Variants in AGBL4 observed in about 807,000 individuals in gnomAD.
AGBL4 encodes AGBL carboxypeptidase 4.
AGBL4 carries 58 observed loss-of-function variants against 66.4 expected under a neutral mutation model. The ratio of observed to expected loss-of-function variants is 0.87; its 90% CI spans 0.71 to 1.09. AGBL4 has a LOEUF of 1.09. Ranked by LOEUF, AGBL4 falls within the 50% of genes least tolerant of loss-of-function variation. AGBL4 has a pLI of 0.00. For synonymous variants in AGBL4, 234 were observed against 222.9 expected (o/e 1.05, Z -0.44); for missense variants, 579 against 631.0 (o/e 0.92, Z 0.88).
chr1:48,925,139 T>C (rs957213360), intron 5 of AGBL4, among the ~76,000 whole-genome samples: 5 of 139,350 alleles, frequency 3.6e-5, no homozygotes, highest in Non-Finnish European at 6.5e-5. Context: ...TCTGTATATA[T>C]ATATATACAT....
intron 6 of AGBL4, among the ~76,000 whole-genome samples, chr1:48,680,690 G>A (rs971581914): frequency 3.3e-5 from 5 of 152,216 alleles, no homozygotes; most frequent in African/African-American, 4.8e-5. Flanking sequence ...TTGGCAAGGC[G>A]GCTCTGGGGA....
intron 8 of AGBL4, among the ~76,000 whole-genome samples, chr1:48,637,928 C>A (rs894131327): frequency 6.6e-6 from 1 of 152,170 alleles, no homozygotes; most frequent in Admixed American, 6.5e-5. Context: ...GCTGTGCTCA[C>A]AAAGCTTTTC....
intron 9 of AGBL4, 121 bp downstream of exon 9, chr1:48,634,372 C>A: frequency 1.4e-6 from 1 of 735,934 alleles, no homozygotes; most frequent in East Asian, 2.9e-5. Context: ...GGCCTAGTGC[C>A]TCCCTGGTTT....
At chr1:48,636,086 A>G (rs572186035) in intron 8 of AGBL4, among the ~76,000 whole-genome samples, 1 of 152,346 alleles carries the variant, frequency 6.6e-6, no homozygotes, top group South Asian at 2.1e-4. Flanking sequence ...ACTGATGAAT[A>G]CTATAATCCC....
intron 3 of AGBL4, among the ~76,000 whole-genome samples, chr1:49,444,527 AC>A (rs370930061): frequency 2.0e-5 from 3 of 151,770 alleles, no homozygotes; most frequent in Non-Finnish European, 4.4e-5. Context: ...TTATGTAATA[AC>A]CTTTTTTTTC....
intron 1 of AGBL4, among the ~76,000 whole-genome samples, chr1:49,890,902 T>C (rs1648578712): frequency 6.6e-6 from 1 of 152,262 alleles, no homozygotes; most frequent in South Asian, 2.1e-4. Context: ...TCAATTAAAT[T>C]TGGGGTTCAT....
At chr1:49,693,336 A>G (rs1280819159) in intron 3 of AGBL4, among the ~76,000 whole-genome samples, 1 of 152,178 alleles carries the variant, frequency 6.6e-6, no homozygotes, top group Non-Finnish European at 1.5e-5. Context: ...GATGTTCACT[A>G]CATTGTTACT....
chr1:48,907,028 G>T (rs1479381641), intron 5 of AGBL4, among the ~76,000 whole-genome samples: 3 of 152,182 alleles, frequency 2.0e-5, no homozygotes, highest in African/African-American at 7.2e-5. Context: ...CATCTGGGAT[G>T]CCACTTAAAC....
At position 48,837,711 on chromosome 1, in the gene AGBL4, C is replaced by CTATATATAAATATATA. The variant is rs1646714806; in HGVS notation, c.634+29479_634+29480insTATATATTTATATATA. 4.5e-4 allele frequency among the ~76,000 whole-genome samples: 37 copies of CTATATATAAATATATA among 82,310 alleles called. 1 individual carries two copies. The South Asian group carries it at 0.022, about 49-fold the overall frequency. The allele number at this position is 82,310 out of a possible 152,430, so 54.0% of individuals were successfully genotyped here. A position where few individuals can be genotyped will look rare whatever the true frequency, so the allele number is the denominator to read the frequency against. ...ACGCACACACACGCACACACACACA[C>CTATATATAAATATATA]TATATATATATATATATATATATAT... On this transcript the variant is annotated intron_variant, in intron 6 of 13. Transcript: ENST00000371839.
intron 6 of AGBL4, among the ~76,000 whole-genome samples, chr1:48,795,780 G>A (rs1373283802): frequency 1.3e-5 from 2 of 152,150 alleles, no homozygotes. Context: ...AGCCTCCCAA[G>A]TAGCTGGGAT....
intron 6 of AGBL4, among the ~76,000 whole-genome samples, chr1:48,663,454 A>G (rs1175972618): frequency 6.6e-6 from 1 of 152,188 alleles, no homozygotes; most frequent in East Asian, 1.9e-4. Flanking sequence ...TGTTGGTACA[A>G]CTGATCATAT....
At chr1:48,757,662 G>A (rs1404022121) in intron 6 of AGBL4, among the ~76,000 whole-genome samples, 24 of 152,166 alleles carry the variant, frequency 1.6e-4, no homozygotes, top group Admixed American at 1.6e-3. Flanking sequence ...CCACTACCTT[G>A]GGGATATACT....
intron 7 of AGBL4, among the ~76,000 whole-genome samples, chr1:48,662,402 A>T (rs776301167): frequency 1.3e-5 from 2 of 152,170 alleles, no homozygotes. Flanking sequence ...AGAGGCTTCC[A>T]CTGCAGTGTG....
At chr1:48,624,085 G>A (rs894595508) in intron 9 of AGBL4, among the ~76,000 whole-genome samples, 1 of 152,186 alleles carries the variant, frequency 6.6e-6, no homozygotes, top group African/African-American at 2.4e-5. Flanking sequence ...GAAAACTTTA[G>A]AATCTGTGGG....
At chr1:49,313,786 G>T (rs1644985688) in intron 3 of AGBL4, among the ~76,000 whole-genome samples, 1 of 152,106 alleles carries the variant, frequency 6.6e-6, no homozygotes, top group South Asian at 2.1e-4. Flanking sequence ...CAGATGGATA[G>T]ATTGCAAAAA....
At chr1:49,459,985 T>C (rs923540228) in intron 3 of AGBL4, among the ~76,000 whole-genome samples, 2 of 151,646 alleles carry the variant, frequency 1.3e-5, no homozygotes, top group Non-Finnish European at 3.0e-5. Context: ...GAGTACTTGA[T>C]ACAATTTTGA....
chr1:49,489,895 G>C (rs1647152413), intron 3 of AGBL4, among the ~76,000 whole-genome samples: 2 of 151,590 alleles, frequency 1.3e-5, no homozygotes, highest in African/African-American at 4.8e-5. Flanking sequence ...CTATTTTTAT[G>C]CCAGTAGCAT....
At chr1:48,576,075 T>C (rs1397232415) in intron 11 of AGBL4, among the ~76,000 whole-genome samples, 1 of 151,856 alleles carries the variant, frequency 6.6e-6, no homozygotes, top group African/African-American at 2.4e-5. Context: ...AGAGCAGGGG[T>C]CCTCAAGCCC....
In AGBL4 at chr1:48,827,460, C is replaced by T. The variant is rs140248080; in HGVS notation, c.634+39731G>A. On this transcript the variant is annotated intron_variant, in intron 6 of 13. Coordinates refer to ENST00000371839, the MANE Select transcript of AGBL4 (RefSeq NM_032785.4). ...ATCTGCTTATGCTACAGAAAAGCCC[C>T]AGAAGCCTACTGGGGTGAAAGCTCT... Among the ~76,000 whole-genome samples the T allele has an allele frequency of 2.4e-3, 360 of 152,282 alleles. 2 individuals are homozygous for T. Among genetic ancestry groups the T allele is most frequent in the African/African-American group, 8.2e-3 (340 of 41,556 alleles).
Sources: gnomAD v4.1 joint callset for allele counts (sites outside exome capture counted in the v4.1 genomes callset) on GRCh38, gnomAD v4.1.1 for gene constraint, MANE v1.5 for transcripts, NCBI Gene and HGNC (gene_info 2026-07-23, HGNC 2026-07-21) for gene names.